Variants in UBE2Q2 observed in about 807,000 individuals in gnomAD.
UBE2Q2 encodes the protein ubiquitin-conjugating enzyme E2 Q2.
Under a neutral mutation model 59.9 loss-of-function variants are expected in UBE2Q2, and 54 were observed. The ratio of observed to expected loss-of-function variants is 0.90; its 90% CI spans 0.72 to 1.13. The LOEUF (loss-of-function observed/expected upper bound fraction) is 1.13, where lower values mean the gene tolerates loss of function less well. Ranked by LOEUF, UBE2Q2 falls within the 50% of genes most tolerant of loss-of-function variation. The pLI is 0.00. For synonymous variants in UBE2Q2, 165 were observed against 155.2 expected (o/e 1.06, Z -0.47); for missense variants, 433 against 441.9 (o/e 0.98, Z 0.18).
chr15:75,859,100 A>G (rs1365794379), intron 2 of UBE2Q2, among the ~76,000 whole-genome samples: 3 of 152,218 alleles, frequency 2.0e-5, no homozygotes, highest in Admixed American at 6.5e-5. Flanking sequence ...AACATTTTAA[A>G]CAATGAACAC....
rs1595879366 is a variant in UBE2Q2 at position 75,872,413 on chromosome 15, G to C, written c.448-1015G>C. 2.0e-5 allele frequency among the ~76,000 whole-genome samples: 3 copies of C among 151,916 alleles called. No homozygotes were observed. In the South Asian group the frequency reaches 6.2e-4, roughly 31 times the overall value. On this transcript the variant is annotated intron_variant, in intron 4 of 12. Transcript: ENST00000267938. ...AAATAAGGTAATTGCAAAAAGTTAG[G>C]ATTTAAATTCTGCATAGATTTATAT...
At chr15:75,851,751 A>G (rs77996977) in intron 1 of UBE2Q2, among the ~76,000 whole-genome samples, 5 of 152,250 alleles carry the variant, frequency 3.3e-5, no homozygotes, top group Admixed American at 2.6e-4. Flanking sequence ...TTAGTCACAC[A>G]AGGGTTTTTT....
chr15:75,862,419 CT>C lies in UBE2Q2; in HGVS notation c.387+2450del, dbSNP rs553538678. The stretch of plus-strand genomic sequence containing the variant: ...AATTTTTTTCTTAGTTTATTTTGGT[CT>C]TTTTTTTTTTTTAAACCTTTCCTCA... On this transcript the variant is annotated intron_variant, in intron 3 of 12. Transcript: ENST00000267938. Among the ~76,000 whole-genome samples the C allele has an allele frequency of 3.3e-3, 458 of 138,898 alleles. 1 individual carries two copies. Among genetic ancestry groups the C allele is most frequent in the East Asian group, 8.5e-3 (41 of 4,802 alleles). 91.1% of individuals were successfully genotyped at this position (138,898 alleles called of 152,430 possible).
chr15:75,858,445 AGC>A (rs1198724129), intron 2 of UBE2Q2, among the ~76,000 whole-genome samples: 1 of 152,122 alleles, frequency 6.6e-6, no homozygotes, highest in East Asian at 1.9e-4. Flanking sequence ...GAACTGTCTT[AGC>A]GTTCTTTTAT....
At position 75,850,894 on chromosome 15, in the gene UBE2Q2, C is replaced by G. The variant is rs1896604565; in HGVS notation, c.181-3492C>G. ...ACATTAACTCTTTAAAAACTCATCA[C>G]ATATTATTATAAATGTGCTTTTACG... On this transcript the variant is annotated intron_variant, in intron 1 of 12. Transcript: ENST00000267938. 2.0e-5 allele frequency among the ~76,000 whole-genome samples: 3 copies of G among 152,288 alleles called. No homozygotes were observed. In the South Asian group the frequency reaches 6.2e-4, roughly 32 times the overall value.
In UBE2Q2 at chr15:75,873,500, G is replaced by A. The variant is rs768516583; in HGVS notation, c.520G>A (p.Gly174Arg). ...PISGKKSEDEGIEKENLAILE... is the reference protein window; with the variant it reads ...PISGKKSEDERIEKENLAILE... ...TAGTGGGAAAAAGTCAGAGGATGAA[G>A]GAATTGAAAAAGAAAATTTGGCAAT... Residue 174 changes from glycine to arginine, a missense_variant, in exon 5 of 13, where the codon GGA (glycine) becomes AGA (arginine). By Grantham distance (125) the Gly-to-Arg change is moderately radical (BLOSUM62 -2). Coordinates refer to ENST00000267938, the MANE Select transcript of UBE2Q2 (RefSeq NM_173469.4). 50 of 1,613,636 alleles carry A rather than the reference G, an allele frequency of 3.1e-5. No individual in the cohort carries two copies. The highest frequency in any genetic ancestry group is 4.0e-5 in the Non-Finnish European group (47 of 1,179,844).
At position 75,859,922 on chromosome 15, in the gene UBE2Q2, A is replaced by T. The variant is rs1304836436; in HGVS notation, c.327A>T (p.Leu109Phe). 11 of 1,604,506 alleles carry T rather than the reference A, an allele frequency of 6.9e-6. No homozygotes were observed. The highest frequency in any genetic ancestry group is 9.3e-6 in the Non-Finnish European group (11 of 1,177,404). ...GGTTGATATGTGAACTCTGCAGTTTATATAACCTTCCTAAGCACCTGGATG... is the reference window on the plus strand; with the variant it reads ...GGTTGATATGTGAACTCTGCAGTTTTTATAACCTTCCTAAGCACCTGGATG... ...LKWLICELCS[L>F]YNLPKHLDVE... Residue 109 changes from leucine (L) to phenylalanine (F), a missense_variant, in exon 3 of 13, where the codon TTA (leucine) becomes TTT (phenylalanine). Physicochemically the swap from Leu to Phe is conservative, Grantham distance 22. Coordinates refer to ENST00000267938, the MANE Select transcript of UBE2Q2 (RefSeq NM_173469.4).
intron 4 of UBE2Q2, among the ~76,000 whole-genome samples, chr15:75,871,460 G>A (rs1156974425): frequency 6.6e-6 from 1 of 152,230 alleles, no homozygotes; most frequent in African/African-American, 2.4e-5. Context: ...CCATATTTCA[G>A]ACTATCACAT....
intron 3 of UBE2Q2, among the ~76,000 whole-genome samples, chr15:75,864,497 G>A (rs537888804): frequency 2.6e-5 from 4 of 151,894 alleles, no homozygotes; most frequent in Non-Finnish European, 4.4e-5. Context: ...GAGAAACCAT[G>A]GTTTAAATAA....
rs139627215 is a variant in UBE2Q2 at position 75,898,311 on chromosome 15, A to G, written c.1097-1116A>G. ...GTATGTGTAAGCTTAGCTGTGATGA[A>G]AGAGTAATAGAGTCAGAAGCAGGGG... is the stretch of plus-strand genomic sequence containing the variant. On this transcript the variant is annotated intron_variant, in intron 12 of 12. Transcript: ENST00000267938. 2.8e-3 allele frequency among the ~76,000 whole-genome samples: 427 copies of G among 152,288 alleles called. 2 individuals carry two copies. The highest frequency in any genetic ancestry group is 9.7e-3 in the African/African-American group (402 of 41,554).
rs942109479 is a variant in UBE2Q2 at position 75,859,862 on chromosome 15, G to A, written c.283-16G>A. ...CTCTTTAACATAATGCTTATTTACT[G>A]AAATGTGTTTTGTAGCTTCGTCAGC... On this transcript the variant is annotated splice_polypyrimidine_tract_variant and intron_variant, in intron 2 of 12. Coordinates refer to ENST00000267938, the MANE Select transcript of UBE2Q2 (RefSeq NM_173469.4). 6.4e-7 allele frequency: 1 copy of A among 1,567,404 alleles called. No homozygotes were observed. Among genetic ancestry groups the A allele is most frequent in the African/African-American group, 1.4e-5 (1 of 72,624 alleles).
In UBE2Q2 at chr15:75,854,618, G is replaced by GT. The variant is rs144080974; in HGVS notation, c.282+134dup. On this transcript the variant is annotated intron_variant, in intron 2 of 12. Coordinates refer to ENST00000267938, the MANE Select transcript of UBE2Q2 (RefSeq NM_173469.4). ...TCTTGTAGGAATTAAAGACTAGTTT[G>GT]TTTGTTTTTTTTCCTTCAAATTCTA... 1,597 of 557,124 alleles carry GT rather than the reference G, an allele frequency of 2.9e-3. 17 individuals carry two copies. Among genetic ancestry groups the GT allele is most frequent in the African/African-American group, 0.023 (1,149 of 49,552 alleles). The allele number at this position is 557,124 out of a possible 1,614,324, so 34.5% of individuals were successfully genotyped here. A position where few individuals can be genotyped will look rare whatever the true frequency, so the allele number is the denominator to read the frequency against.
intron 9 of UBE2Q2, among the ~76,000 whole-genome samples, chr15:75,886,242 C>T (rs536191377): frequency 3.2e-4 from 49 of 152,212 alleles, no homozygotes; most frequent in African/African-American, 1.1e-3. Context: ...GCCTCAGCCT[C>T]CTGAGTAGCT....
chr15:75,878,136 C>T (rs1303547313), intron 7 of UBE2Q2, 115 bp downstream of exon 7: 14 of 798,650 alleles, frequency 1.8e-5, no homozygotes, highest in Non-Finnish European at 2.7e-5. Flanking sequence ...GAACTTTAGA[C>T]TTTGTTTCTA....
chr15:75,844,351 A>C (rs1896204360), intron 1 of UBE2Q2: 2 of 1,550,646 alleles, frequency 1.3e-6, no homozygotes, highest in Non-Finnish European at 1.7e-6. Context: ...GGAGAAACTG[A>C]CAATGAGAAT....
At position 75,876,315 on chromosome 15, in the gene UBE2Q2, CT is replaced by C. The variant is rs767430617; in HGVS notation, c.673+48del. The C allele has an allele frequency of 5.5e-5, 82 of 1,496,318 alleles. 1 individual carries two copies. Among genetic ancestry groups the C allele is most frequent in the Non-Finnish European group, 7.6e-5 (82 of 1,083,740 alleles). The allele number at this position is 1,496,318 out of a possible 1,614,324, so 92.7% of individuals were successfully genotyped here. A position where few individuals can be genotyped will look rare whatever the true frequency, so the allele number is the denominator to read the frequency against. ...CTGCTCTCTTTATGATTCTTCTGCT[CT>C]TTTCTATTGTCAGATTATAAATGTC... On this transcript the variant is annotated intron_variant, in intron 6 of 12. Coordinates refer to ENST00000267938, the MANE Select transcript of UBE2Q2 (RefSeq NM_173469.4).
At position 75,843,831 on chromosome 15, in the gene UBE2Q2, C is replaced by T; in HGVS notation, c.165C>T (p.Leu55=). 1 of 1,593,284 alleles carries T rather than the reference C, an allele frequency of 6.3e-7. No individual in the cohort carries two copies. Among genetic ancestry groups the T allele is most frequent in the Non-Finnish European group, 8.5e-7 (1 of 1,171,928 alleles). ...ACTCGCTGCCGCCGCCACTCACGCT[C>T]CACTGCAACATCACGGTGAGGCGCC... ...SPHSLPPPLT[L]HCNITESYPS... is the part of the protein sequence containing the mutation. Residue 55 remains leucine, a synonymous_variant, in exon 1 of 13, where the codon CTC becomes CTT. Transcript: ENST00000267938.
Position 75,843,866 on chromosome 15 carries a change from C to T in UBE2Q2, c.180+20C>T. 1 of 1,541,090 alleles carries T rather than the reference C, an allele frequency of 6.5e-7. No individual in the cohort carries two copies. The highest frequency in any genetic ancestry group is 8.7e-7 in the Non-Finnish European group (1 of 1,144,564). ...ATCACGGTGAGGCGCCCGGCCGCGG[C>T]CCCGCGGGGCAGGGCGAGGACGGAG... On this transcript the variant is annotated intron_variant, in intron 1 of 12. Transcript: ENST00000267938.
intron 12 of UBE2Q2, among the ~76,000 whole-genome samples, chr15:75,898,278 GTGTGTGGGTA>G (rs1899545340): frequency 6.6e-6 from 1 of 152,034 alleles, no homozygotes; most frequent in Non-Finnish European, 1.5e-5. Flanking sequence ...GTATTTGAGA[GTGTGTGGGTA>G]TGTGTAAGCT....
Sources: gnomAD v4.1 joint callset for allele counts (sites outside exome capture counted in the v4.1 genomes callset) on GRCh38, gnomAD v4.1.1 for gene constraint, MANE v1.5 for transcripts, NCBI Gene and HGNC (gene_info 2026-07-23, HGNC 2026-07-21) for gene names.